TBC1D25: variants seen among roughly 807,000 people sequenced by gnomAD.
TBC1D25 encodes 5SN3 snoRNA.
In TBC1D25, 13 loss-of-function variants were observed where a neutral mutation model predicts 38.8. The observed-to-expected ratio is 0.34, with a 90% CI of 0.22 to 0.53. The LOEUF is 0.53. Ranked by LOEUF, TBC1D25 falls within the 20% of genes least tolerant of loss-of-function variation. The pLI is 0.94. For synonymous variants in TBC1D25, 225 were observed against 255.6 expected (o/e 0.88, Z 1.14); for missense variants, 372 against 600.0 (o/e 0.62, Z 3.97).
At chrX:48,547,031 T>C (rs1360593122) in intron 3 of TBC1D25, among the ~76,000 whole-genome samples, 1 of 112,147 alleles carries the variant, frequency 8.9e-6, no homozygotes, top group African/African-American at 3.2e-5. Context: ...AACTAGCTAA[T>C]GTGTAGTGAA....
At chrX:48,544,656 C>A (rs1338398090) in intron 2 of TBC1D25, among the ~76,000 whole-genome samples, 2 of 111,718 alleles carry the variant, frequency 1.8e-5, no homozygotes, top group African/African-American at 3.3e-5. Flanking sequence ...CCTCCAGATA[C>A]AAGCAGGTGT....
At chrX:48,552,348 G>A (rs1270526346) in intron 3 of TBC1D25, among the ~76,000 whole-genome samples, 2 of 93,338 alleles carry the variant, frequency 2.1e-5, no homozygotes, top group East Asian at 3.2e-4. Context: ...CATCATGCCC[G>A]GCTAATTTTT....
chrX:48,561,223 T>C lies in TBC1D25; in HGVS notation c.*248T>C, dbSNP rs2062024053. 1 of 333,982 alleles carries C rather than the reference T, an allele frequency of 3.0e-6. No homozygotes were observed. Among genetic ancestry groups the C allele is most frequent in the East Asian group, 4.7e-5 (1 of 21,353 alleles). 27.5% of individuals were successfully genotyped at this position (333,982 alleles called of 1,213,427 possible). On this transcript the variant is annotated 3_prime_UTR_variant, in exon 6 of 6. Coordinates refer to ENST00000376771, the MANE Select transcript of TBC1D25 (RefSeq NM_002536.4). ...TACTTTGCACACATGAAGGTCACTGTGGTTTGTGTGTTTCTCTGCCTCCTC... is the reference window on the plus strand; with the variant it reads ...TACTTTGCACACATGAAGGTCACTGCGGTTTGTGTGTTTCTCTGCCTCCTC...
chrX:48,552,532 T>C (rs1157800285), intron 3 of TBC1D25, among the ~76,000 whole-genome samples: 2 of 110,173 alleles, frequency 1.8e-5, no homozygotes. Context: ...TTTGTATTTT[T>C]AGTAGAGACG....
chrX:48,540,637 CAG>C (rs1301292287), intron 1 of TBC1D25, among the ~76,000 whole-genome samples: 1 of 111,623 alleles, frequency 9.0e-6, no homozygotes, highest in Non-Finnish European at 1.9e-5. Flanking sequence ...AGCGCTAAGA[CAG>C]AGACAGATCG....
intron 2 of TBC1D25, among the ~76,000 whole-genome samples, chrX:48,541,943 G>A (rs782564319): frequency 9.0e-6 from 1 of 110,916 alleles, no homozygotes; most frequent in South Asian, 3.7e-4. Flanking sequence ...TAATGTGAGC[G>A]TTCTGAGCAC....
intron 1 of TBC1D25, among the ~76,000 whole-genome samples, chrX:48,540,414 G>A (rs2061829556): frequency 8.9e-6 from 1 of 112,262 alleles, no homozygotes; most frequent in Non-Finnish European, 1.9e-5. Flanking sequence ...GTTAGCCAAG[G>A]TTGTACAGGG....
At position 48,559,917 on chromosome X, in the gene TBC1D25, C is replaced by T; in HGVS notation, c.1009C>T (p.Leu337Phe). The change falls in exon 6 of 6, where the codon CTT becomes TTT. Residue 337 changes from leucine (L) to phenylalanine (F), a missense_variant. By Grantham distance (22) the Leu-to-Phe change is conservative. Coordinates refer to ENST00000376771, the MANE Select transcript of TBC1D25 (RefSeq NM_002536.4). The part of the protein sequence containing the change: ...QVSYCQGMSD[L>F]ASPILAVMDH... The stretch of plus-strand genomic sequence containing the variant: ...GTCCTACTGCCAGGGCATGAGTGAC[C>T]TTGCCTCACCCATCCTCGCTGTCAT... 8.3e-7 allele frequency: 1 copy of T among 1,211,846 alleles called. No individual in the cohort carries two copies.
chrX:48,554,434 C>T (rs1329400810), intron 3 of TBC1D25, among the ~76,000 whole-genome samples: 5 of 107,209 alleles, frequency 4.7e-5, no homozygotes, highest in Non-Finnish European at 9.6e-5. Context: ...GTGGTATGCC[C>T]CTGGAATCCC....
At chrX:48,550,676 TGGAGA>T (rs2061924269) in intron 3 of TBC1D25, among the ~76,000 whole-genome samples, 1 of 106,217 alleles carries the variant, frequency 9.4e-6, no homozygotes. Context: ...TTTTTTTTTT[TGGAGA>T]TGGAGTCTTG....
intron 2 of TBC1D25, among the ~76,000 whole-genome samples, chrX:48,543,149 T>C (rs2061854125): frequency 1.8e-5 from 2 of 111,083 alleles, no homozygotes; most frequent in African/African-American, 6.6e-5. Context: ...GTATCCCCTG[T>C]AGATAAAGAG....
At chrX:48,557,947 C>CT (rs1490986945) in intron 3 of TBC1D25, among the ~76,000 whole-genome samples, 24 of 100,970 alleles carry the variant, frequency 2.4e-4, no homozygotes, top group African/African-American at 8.9e-4. Flanking sequence ...TCCGTCTCTA[C>CT]TAAAAATACA....
At position 48,553,419 on chromosome X, in the gene TBC1D25, T is replaced by C. The variant is rs1366445683; in HGVS notation, c.389-5478T>C. Among the ~76,000 whole-genome samples the C allele has an allele frequency of 1.5e-4, 16 of 108,358 alleles. No homozygotes were observed. In the Admixed American group the frequency reaches 1.6e-3, roughly 11 times the overall value. 94.1% of individuals were successfully genotyped at this position (108,358 alleles called of 115,157 possible). A position where few individuals can be genotyped will look rare whatever the true frequency, so the allele number is the denominator to read the frequency against. On this transcript the variant is annotated intron_variant, in intron 3 of 5. Transcript: ENST00000376771. The stretch of plus-strand genomic sequence containing the variant: ...ATGGCCAAAAATGTTTTTATTTGGC[T>C]GAATAGATCTGTACTGTCTTGGCTG...
chrX:48,553,618 T>C (rs1556983846), intron 3 of TBC1D25, among the ~76,000 whole-genome samples: 1 of 36,021 alleles, frequency 2.8e-5, no homozygotes, highest in African/African-American at 2.0e-4. Flanking sequence ...TTCTTTTTCT[T>C]TTTTTTTTTT....
intron 3 of TBC1D25, among the ~76,000 whole-genome samples, chrX:48,545,463 TATA>T (rs2061875988): frequency 8.9e-6 from 1 of 112,406 alleles, no homozygotes; most frequent in South Asian, 3.6e-4. Context: ...CAATGCGTAT[TATA>T]ATAATGCTAG....
At chrX:48,558,114 A>AG in intron 3 of TBC1D25, among the ~76,000 whole-genome samples, 1 of 108,047 alleles carries the variant, frequency 9.3e-6, no homozygotes, top group South Asian at 3.9e-4. Context: ...CCGTCTCCAA[A>AG]AAAAAAAAAA....
At chrX:48,549,111 A>G (rs2061909789) in intron 3 of TBC1D25, among the ~76,000 whole-genome samples, 1 of 112,635 alleles carries the variant, frequency 8.9e-6, no homozygotes, top group Non-Finnish European at 1.9e-5. Flanking sequence ...TGACGCAAAT[A>G]TGGCCCACTG....
chrX:48,541,645 C>G (rs930373594), intron 2 of TBC1D25: 2 of 454,862 alleles, frequency 4.4e-6, no homozygotes, highest in Middle Eastern at 6.0e-4. Flanking sequence ...CATGGTCAAC[C>G]TCAGTCTGCA....
intron 2 of TBC1D25, among the ~76,000 whole-genome samples, chrX:48,543,276 G>A (rs374042134): frequency 6.4e-5 from 7 of 109,266 alleles, no homozygotes; most frequent in Admixed American, 9.8e-5. Context: ...TCATTCTGTC[G>A]TCCAGGCTGG....
Sources: gnomAD v4.1 joint callset for allele counts (sites outside exome capture counted in the v4.1 genomes callset) on GRCh38, gnomAD v4.1.1 for gene constraint, MANE v1.5 for transcripts, NCBI Gene and HGNC (gene_info 2026-07-23, HGNC 2026-07-21) for gene names.